Variants in ZNF385D observed in about 807,000 individuals in gnomAD.
ZNF385D encodes zinc finger protein 385D.
Under a neutral mutation model 35.8 loss-of-function variants are expected in ZNF385D, and 15 were observed. The observed-to-expected ratio is 0.42, with a 90% CI of 0.28 to 0.64. The LOEUF is 0.64. Among genes scored for constraint, ZNF385D ranks in the 30% least tolerant of loss-of-function variants. ZNF385D has a pLI of 0.23. For missense variants in ZNF385D, 474 were observed against 494.6 expected (o/e 0.96, Z 0.39); for synonymous variants, 212 against 186.8 (o/e 1.13, Z -1.10).
chr3:22,033,209 C>G (rs1014224588), intron 3 of ZNF385D, among the ~76,000 whole-genome samples: 2 of 151,820 alleles, frequency 1.3e-5, no homozygotes, highest in African/African-American at 4.8e-5. Flanking sequence ...CGAGACCAAA[C>G]GGGACAACAT....
intron 3 of ZNF385D, among the ~76,000 whole-genome samples, chr3:21,874,446 T>C (rs1192494339): frequency 2.0e-5 from 3 of 152,104 alleles, no homozygotes; most frequent in Non-Finnish European, 4.4e-5. Context: ...TTTCTCCCAC[T>C]CTGTATTGCC....
At chr3:22,058,561 G>A (rs1699531050) in intron 3 of ZNF385D, among the ~76,000 whole-genome samples, 1 of 152,198 alleles carries the variant, frequency 6.6e-6, no homozygotes, top group South Asian at 2.1e-4. Context: ...GATCTTGGTA[G>A]AGTCAGGAAA....
At chr3:21,745,822 A>G (rs1470425429) in intron 1 of ZNF385D, among the ~76,000 whole-genome samples, 1 of 152,196 alleles carries the variant, frequency 6.6e-6, no homozygotes, top group East Asian at 1.9e-4. Context: ...CTTAGGCAGG[A>G]AAAGCTTTGA....
intron 3 of ZNF385D, among the ~76,000 whole-genome samples, chr3:22,152,155 C>T (rs536660857): frequency 1.8e-4 from 28 of 152,208 alleles, no homozygotes; most frequent in South Asian, 1.0e-3. Flanking sequence ...ACCTCCAGCT[C>T]CACCCATGTT....
chr3:22,311,207 A>G (rs1559512585), intron 2 of ZNF385D, among the ~76,000 whole-genome samples: 1 of 152,070 alleles, frequency 6.6e-6, no homozygotes, highest in Non-Finnish European at 1.5e-5. Flanking sequence ...ATATCCAGAT[A>G]TAAATTATTA....
At chr3:22,321,566 T>C (rs1454317296) in intron 2 of ZNF385D, among the ~76,000 whole-genome samples, 2 of 151,800 alleles carry the variant, frequency 1.3e-5, no homozygotes, top group Non-Finnish European at 2.9e-5. Context: ...AGGGTTTCAC[T>C]GTGTTAGCCA....
At chr3:21,943,295 G>C (rs1575973173) in intron 3 of ZNF385D, among the ~76,000 whole-genome samples, 2 of 151,048 alleles carry the variant, frequency 1.3e-5, no homozygotes, top group East Asian at 3.9e-4. Flanking sequence ...TGTGTGTATA[G>C]ATGTGTGTGT....
intron 2 of ZNF385D, among the ~76,000 whole-genome samples, chr3:22,195,560 T>C (rs1696357199): frequency 6.6e-6 from 1 of 152,024 alleles, no homozygotes; most frequent in South Asian, 2.1e-4. Flanking sequence ...TAGTTTTACA[T>C]TTTGAAATCT....
intron 1 of ZNF385D, among the ~76,000 whole-genome samples, chr3:21,693,619 C>T (rs181473685): frequency 2.0e-5 from 3 of 152,162 alleles, no homozygotes; most frequent in African/African-American, 7.2e-5. Flanking sequence ...AGGAATCATG[C>T]TAAAATTCAT....
chr3:22,127,404 A>G (rs1266587264), intron 3 of ZNF385D, among the ~76,000 whole-genome samples: 3 of 123,100 alleles, frequency 2.4e-5, no homozygotes, highest in African/African-American at 6.2e-5. Flanking sequence ...CAGTGGTGCA[A>G]TCTTGGTTCA....
intron 1 of ZNF385D, among the ~76,000 whole-genome samples, chr3:21,747,701 G>A (rs11719345): frequency 0.18 from 27,585 of 152,122 alleles, 2,975 homozygotes; most frequent in Non-Finnish European, 0.23. Flanking sequence ...GTGCACTCAA[G>A]CAAATAACCT....
At chr3:21,891,907 T>C (rs1179372911) in intron 3 of ZNF385D, among the ~76,000 whole-genome samples, 1 of 150,832 alleles carries the variant, frequency 6.6e-6, no homozygotes, top group Non-Finnish European at 1.5e-5. Context: ...TTTCACTCTG[T>C]CTGCTTAATA....
intron 4 of ZNF385D, among the ~76,000 whole-genome samples, chr3:21,477,321 G>A (rs776498618): frequency 2.6e-5 from 4 of 152,070 alleles, no homozygotes; most frequent in Non-Finnish European, 4.4e-5. Context: ...CCAGTTACTT[G>A]GGAGGCAGAG....
chr3:22,124,610 C>T (rs1703319601), intron 3 of ZNF385D, among the ~76,000 whole-genome samples: 1 of 152,116 alleles, frequency 6.6e-6, no homozygotes, highest in Admixed American at 6.6e-5. Flanking sequence ...TGGATAAAAG[C>T]ATTTTAAATA....
At chr3:22,026,415 G>T (rs1298667276) in intron 3 of ZNF385D, among the ~76,000 whole-genome samples, 3 of 152,158 alleles carry the variant, frequency 2.0e-5, no homozygotes, top group African/African-American at 4.8e-5. Flanking sequence ...TGGGGAAAGG[G>T]AAATGATGAG....
chr3:21,597,118 A>G (rs1479739324), intron 2 of ZNF385D, among the ~76,000 whole-genome samples: 2 of 152,206 alleles, frequency 1.3e-5, no homozygotes, highest in Non-Finnish European at 2.9e-5. Context: ...TTTTATCTAA[A>G]TAGGGTTTGT....
At chr3:21,521,060 G>A (rs1291741897) in intron 3 of ZNF385D, among the ~76,000 whole-genome samples, 1 of 152,122 alleles carries the variant, frequency 6.6e-6, no homozygotes, top group Non-Finnish European at 1.5e-5. Flanking sequence ...TGTAGAATTT[G>A]CAATCTCTAA....
chr3:22,100,728 A>C (rs745787555), intron 3 of ZNF385D, among the ~76,000 whole-genome samples: 21 of 151,660 alleles, frequency 1.4e-4, no homozygotes, highest in Non-Finnish European at 2.8e-4. Flanking sequence ...GATATACCTA[A>C]TGCTAGATGA....
intron 2 of ZNF385D, among the ~76,000 whole-genome samples, chr3:22,204,979 C>CA (rs761954306): frequency 0.16 from 15,111 of 92,846 alleles, 1,111 homozygotes; most frequent in East Asian, 0.22. Flanking sequence ...TGACCAAATC[C>CA]AAAAAAAAAA....
Sources: gnomAD v4.1 joint callset for allele counts (sites outside exome capture counted in the v4.1 genomes callset) on GRCh38, gnomAD v4.1.1 for gene constraint, MANE v1.5 for transcripts, NCBI Gene and HGNC (gene_info 2026-07-23, HGNC 2026-07-21) for gene names.